PAK3: variants seen among roughly 807,000 people sequenced by gnomAD.
PAK3 encodes serine/threonine-protein kinase PAK 3.
PAK3 carries 4 observed loss-of-function variants against 41.0 expected under a neutral mutation model. The ratio of observed to expected loss-of-function variants is 0.10; its 90% CI spans 0.05 to 0.22. PAK3 has a LOEUF of 0.22. PAK3 is among the 10% of genes least tolerant of loss of function. The pLI is 1.00. For synonymous variants in PAK3, 146 were observed against 139.6 expected, an observed-to-expected ratio of 1.05 and a Z score of -0.32; for missense variants, 205 against 409.9, an observed-to-expected ratio of 0.50 and a Z score of 4.32.
At chrX:111,217,786 A>G (rs2094895005) in intron 17 of PAK3, 2 of 146,391 alleles carry the variant, frequency 1.4e-5, no homozygotes, top group Admixed American at 9.4e-5. Context: ...CATCACTTTT[A>G]TATTTTTTCA....
intron 6 of PAK3, among the ~76,000 whole-genome samples, chrX:111,147,299 A>C (rs2093959689): frequency 8.9e-6 from 1 of 111,962 alleles, no homozygotes; most frequent in Non-Finnish European, 1.9e-5. Context: ...TTCTGATTAC[A>C]ACATGACCAG....
intron 4 of PAK3, among the ~76,000 whole-genome samples, chrX:111,114,629 G>A (rs767410617): frequency 9.0e-6 from 1 of 111,574 alleles, no homozygotes; most frequent in South Asian, 3.8e-4. Flanking sequence ...AAGAGTATAG[G>A]GCATGCCTAG....
intron 5 of PAK3, among the ~76,000 whole-genome samples, chrX:111,132,415 A>G (rs1477692567): frequency 9.0e-6 from 1 of 111,172 alleles, no homozygotes; most frequent in African/African-American, 3.3e-5. Context: ...TTAGGAATAT[A>G]TAACACTGAA....
At chrX:111,200,513 A>G (rs1348906801) in intron 16 of PAK3, among the ~76,000 whole-genome samples, 2 of 112,348 alleles carry the variant, frequency 1.8e-5, no homozygotes. Context: ...GCTGAGTGGA[A>G]AAGAAGGGGC....
chrX:111,065,164 G>A (rs1253749698), intron 1 of PAK3, among the ~76,000 whole-genome samples: 1 of 111,936 alleles, frequency 8.9e-6, no homozygotes, highest in African/African-American at 3.2e-5. Flanking sequence ...TCCAGCATTT[G>A]TCCATTCAGT....
At chrX:111,157,519 G>T (rs749014568) in intron 8 of PAK3, among the ~76,000 whole-genome samples, 2 of 111,323 alleles carry the variant, frequency 1.8e-5, no homozygotes, top group Non-Finnish European at 3.8e-5. Context: ...GACCAGGCGC[G>T]GTGGCTCACA....
At chrX:111,038,984 T>G (rs1405860052) in intron 1 of PAK3, among the ~76,000 whole-genome samples, 1 of 111,658 alleles carries the variant, frequency 9.0e-6, no homozygotes, top group Non-Finnish European at 1.9e-5. Context: ...CAAGATAAAC[T>G]TGATCATCAC....
At chrX:110,979,937 G>A (rs2091420868) in intron 1 of PAK3, among the ~76,000 whole-genome samples, 1 of 111,903 alleles carries the variant, frequency 8.9e-6, no homozygotes, top group African/African-American at 3.2e-5. Flanking sequence ...CTACTTCCAA[G>A]CTCATTCAGG....
At chrX:111,140,747 G>T (rs772683270) in intron 5 of PAK3, among the ~76,000 whole-genome samples, 69 of 111,551 alleles carry the variant, frequency 6.2e-4, no homozygotes, top group Non-Finnish European at 3.6e-4. Flanking sequence ...TCCTGATCCT[G>T]TATAGTTCCT....
chrX:111,205,157 C>G (rs1239276749), intron 16 of PAK3, among the ~76,000 whole-genome samples: 1 of 110,116 alleles, frequency 9.1e-6, no homozygotes, highest in Non-Finnish European at 1.9e-5. Context: ...TGGAATTTCA[C>G]TAGATTTTTG....
chrX:111,114,318 A>G (rs2093425650), intron 4 of PAK3, among the ~76,000 whole-genome samples: 1 of 112,074 alleles, frequency 8.9e-6, no homozygotes, highest in African/African-American at 3.2e-5. Context: ...ATCACTTAGT[A>G]TGATGCCTAG....
intron 1 of PAK3, among the ~76,000 whole-genome samples, chrX:111,073,485 G>A (rs2092761768): frequency 9.0e-6 from 1 of 111,419 alleles, no homozygotes; most frequent in Non-Finnish European, 1.9e-5. Context: ...GCTAGACTAA[G>A]AACAAAGGAG....
chrX:111,017,287 C>A (rs2092106740), intron 1 of PAK3, among the ~76,000 whole-genome samples: 1 of 110,668 alleles, frequency 9.0e-6, no homozygotes, highest in South Asian at 3.8e-4. Flanking sequence ...AAATAGAGAA[C>A]AGCAATGAAT....
At chrX:110,957,949 C>A (rs2090900956) in intron 1 of PAK3, among the ~76,000 whole-genome samples, 1 of 111,651 alleles carries the variant, frequency 9.0e-6, no homozygotes, top group South Asian at 3.8e-4. Context: ...TAAACTCAGA[C>A]ACATATAATT....
At chrX:111,165,312 A>C (rs1382444764) in intron 10 of PAK3, among the ~76,000 whole-genome samples, 2 of 111,993 alleles carry the variant, frequency 1.8e-5, no homozygotes, top group African/African-American at 6.5e-5. Context: ...AACAGCAGTA[A>C]TAATTCTCAT....
At chrX:111,082,934 T>C (rs764798514) in intron 1 of PAK3, among the ~76,000 whole-genome samples, 3 of 112,133 alleles carry the variant, frequency 2.7e-5, no homozygotes, top group South Asian at 7.5e-4. Context: ...TGACACACAA[T>C]AGATGTTCGA....
chrX:111,096,869 T>TACACACACACACACACACAC (rs771301130), intron 1 of PAK3: 19 of 72,198 alleles, frequency 2.6e-4, no homozygotes, highest in East Asian at 1.5e-3. Flanking sequence ...CCCCGCCCCT[T>TACACACACACACACACACAC]ACACACACAC....
chrX:111,160,670 T>C (rs1334545675), intron 8 of PAK3, among the ~76,000 whole-genome samples: 3 of 109,403 alleles, frequency 2.7e-5, no homozygotes, highest in Non-Finnish European at 5.7e-5. Context: ...CCTGTGTCCA[T>C]GTGTTCTCAT....
chrX:111,015,797 TTTGTTG>T (rs952166012), intron 1 of PAK3, among the ~76,000 whole-genome samples: 1 of 111,940 alleles, frequency 8.9e-6, no homozygotes, highest in Non-Finnish European at 1.9e-5. Context: ...AATCAGGTTA[TTTGTTG>T]TTGTTGTTGT....
Sources: allele counts gnomAD v4.1 joint callset (sites outside exome capture counted in the v4.1 genomes callset), GRCh38; gene constraint gnomAD v4.1.1; transcripts MANE v1.5; gene names NCBI Gene and HGNC (gene_info 2026-07-23, HGNC 2026-07-21).